POU6F2: variants seen among roughly 807,000 people sequenced by gnomAD.
The protein encoded by POU6F2 is POU class 6 homeobox 2, also known as POU domain, class 6, transcription factor 2.
Under a neutral mutation model 71.3 loss-of-function variants are expected in POU6F2, and 31 were observed. The ratio of observed to expected loss-of-function variants is 0.43; its 90% CI spans 0.33 to 0.59. POU6F2 has a LOEUF of 0.59. Ranked by LOEUF, POU6F2 falls within the 20% of genes least tolerant of loss-of-function variation. POU6F2 has a pLI of 0.04. For synonymous variants in POU6F2, 347 were observed against 355.7 expected, an observed-to-expected ratio of 0.98 and a Z score of 0.27; for missense variants, 783 against 856.8, an observed-to-expected ratio of 0.91 and a Z score of 1.07.
At chr7:39,022,014 G>A (rs904225260) in intron 1 of POU6F2, among the ~76,000 whole-genome samples, 1 of 152,038 alleles carries the variant, frequency 6.6e-6, no homozygotes, top group South Asian at 2.1e-4. Context: ...GATATGTCAA[G>A]GGACAGGCCT....
chr7:39,171,016 C>CTTTTTTTTTTTTTTTTTT (rs760022218), intron 2 of POU6F2, among the ~76,000 whole-genome samples: 3 of 94,556 alleles, frequency 3.2e-5, no homozygotes, highest in Non-Finnish European at 6.0e-5. Flanking sequence ...TCACATATAT[C>CTTTTTTTTTTTTTTTTTT]TTTTTTTTTT....
At chr7:39,198,479 G>A (rs945084853) in intron 2 of POU6F2, among the ~76,000 whole-genome samples, 6 of 152,128 alleles carry the variant, frequency 3.9e-5, no homozygotes, top group African/African-American at 1.2e-4. Flanking sequence ...TCCTTCTGCT[G>A]GAGCCAGATA....
intron 2 of POU6F2, among the ~76,000 whole-genome samples, chr7:39,170,024 C>A (rs772582730): frequency 6.6e-6 from 1 of 151,996 alleles, no homozygotes; most frequent in Non-Finnish European, 1.5e-5. Context: ...TTCTACTAGC[C>A]GGGCGTTGTG....
intron 4 of POU6F2, among the ~76,000 whole-genome samples, chr7:39,285,951 A>C (rs1402258069): frequency 6.6e-6 from 1 of 152,240 alleles, no homozygotes; most frequent in Admixed American, 6.5e-5. Context: ...CCAGCACAGG[A>C]CACACGTTGA....
At chr7:39,309,690 A>G (rs1785122846) in intron 4 of POU6F2, among the ~76,000 whole-genome samples, 1 of 152,232 alleles carries the variant, frequency 6.6e-6, no homozygotes, top group Non-Finnish European at 1.5e-5. Flanking sequence ...TCATTTTTAC[A>G]AGGTTACCTT....
chr7:38,983,678 G>A lies in POU6F2; in HGVS notation c.105+5620G>A, dbSNP rs191000128. 1.5e-4 allele frequency among the ~76,000 whole-genome samples: 23 copies of A among 151,898 alleles called. 1 individual carries two copies. In the East Asian group the frequency reaches 4.5e-3, roughly 29 times the overall value. Reference sequence around the variant, plus strand: ...CAGTTCCACAATGTGAGCCAATTGTGGTGAATATTGCTTAATTTTTACTGG... The same window carrying A: ...CAGTTCCACAATGTGAGCCAATTGTAGTGAATATTGCTTAATTTTTACTGG... On this transcript the variant is annotated intron_variant, in intron 1 of 9. Transcript: ENST00000518318.
At chr7:39,081,684 G>A (rs1453938192) in intron 1 of POU6F2, among the ~76,000 whole-genome samples, 1 of 152,162 alleles carries the variant, frequency 6.6e-6, no homozygotes, top group Non-Finnish European at 1.5e-5. Flanking sequence ...TTCAAGCAAT[G>A]TCAGCCAGAG....
At chr7:39,321,700 A>C (rs1452622540) in intron 4 of POU6F2, among the ~76,000 whole-genome samples, 1 of 152,168 alleles carries the variant, frequency 6.6e-6, no homozygotes, top group Non-Finnish European at 1.5e-5. Flanking sequence ...TATGTTTATA[A>C]GTTCAATTGT....
chr7:39,327,080 C>G (rs1001296361), intron 4 of POU6F2, among the ~76,000 whole-genome samples: 3 of 152,094 alleles, frequency 2.0e-5, no homozygotes, highest in Non-Finnish European at 1.5e-5. Flanking sequence ...GAGATTGAGA[C>G]CATCCTGGCT....
At chr7:39,179,010 T>C (rs1486922374) in intron 2 of POU6F2, among the ~76,000 whole-genome samples, 1 of 152,134 alleles carries the variant, frequency 6.6e-6, no homozygotes, top group Non-Finnish European at 1.5e-5. Flanking sequence ...CAGCTATAGG[T>C]TCTGCTCTGG....
At chr7:39,067,326 G>A (rs1176371928) in intron 1 of POU6F2, among the ~76,000 whole-genome samples, 1 of 151,602 alleles carries the variant, frequency 6.6e-6, no homozygotes, top group Non-Finnish European at 1.5e-5. Flanking sequence ...TAAAATAATA[G>A]GAAATTTAAA....
At chr7:39,077,486 C>T (rs1259327658) in intron 1 of POU6F2, among the ~76,000 whole-genome samples, 1 of 152,152 alleles carries the variant, frequency 6.6e-6, no homozygotes, top group Non-Finnish European at 1.5e-5. Flanking sequence ...AATTGCTTGT[C>T]TGTGTTTAAA....
intron 1 of POU6F2, among the ~76,000 whole-genome samples, chr7:39,037,276 T>G (rs888934847): frequency 6.6e-6 from 1 of 151,996 alleles, no homozygotes; most frequent in Non-Finnish European, 1.5e-5. Context: ...CAACCTTCAT[T>G]TATTTTCTTT....
At chr7:39,211,834 C>T (rs1303427552) in intron 4 of POU6F2, among the ~76,000 whole-genome samples, 3 of 152,172 alleles carry the variant, frequency 2.0e-5, no homozygotes, top group Non-Finnish European at 4.4e-5. Flanking sequence ...GACCCATCTC[C>T]CTGTCTTCTC....
At chr7:39,286,431 C>T (rs947670557) in intron 4 of POU6F2, among the ~76,000 whole-genome samples, 3 of 152,182 alleles carry the variant, frequency 2.0e-5, no homozygotes, top group Admixed American at 1.3e-4. Context: ...ATGGTTTAAT[C>T]TTACTGTCAA....
intron 4 of POU6F2, among the ~76,000 whole-genome samples, chr7:39,247,243 T>C (rs1179367706): frequency 6.6e-6 from 1 of 151,998 alleles, no homozygotes; most frequent in African/African-American, 2.4e-5. Context: ...CTGAGGCAAG[T>C]GGACTGCTTG....
chr7:39,278,505 A>G (rs1223300818), intron 4 of POU6F2, among the ~76,000 whole-genome samples: 4 of 152,296 alleles, frequency 2.6e-5, no homozygotes, highest in South Asian at 2.1e-4. Context: ...CTTACCTTTT[A>G]TAGAGGAATG....
intron 2 of POU6F2, among the ~76,000 whole-genome samples, chr7:39,124,113 C>T (rs1014719328): frequency 7.1e-6 from 1 of 140,510 alleles, no homozygotes; most frequent in Non-Finnish European, 1.5e-5. Flanking sequence ...ATGGCGCAAT[C>T]TTGGCTCACT....
chr7:39,437,886 A>T (rs1435913078), intron 7 of POU6F2, among the ~76,000 whole-genome samples: 1 of 151,726 alleles, frequency 6.6e-6, no homozygotes, highest in African/African-American at 2.4e-5. Context: ...TTTACCCAGG[A>T]GTCATCTAGG....
Sources: gnomAD v4.1 joint callset for allele counts (sites outside exome capture counted in the v4.1 genomes callset) on GRCh38, gnomAD v4.1.1 for gene constraint, MANE v1.5 for transcripts, NCBI Gene and HGNC (gene_info 2026-07-23, HGNC 2026-07-21) for gene names.